The following SREBF1 variants were observed in gnomAD, a reference collection of about 807,000 sequenced individuals.
SREBF1 encodes the protein sterol regulatory element-binding protein 1.
A neutral mutation model predicts 100.1 loss-of-function variants in SREBF1; 45 were observed. That is an observed-to-expected ratio of 0.45 (90% CI 0.35 to 0.58). The LOEUF (loss-of-function observed/expected upper bound fraction) is 0.58. SREBF1 is among the 20% of genes least tolerant of loss of function. SREBF1 has a pLI of 0.00. For missense variants in SREBF1, 1,324 were observed against 1,539.4 expected, an observed-to-expected ratio of 0.86 and a Z score of 2.34; for synonymous variants, 657 against 681.8, an observed-to-expected ratio of 0.96 and a Z score of 0.57.
At chr17:17,830,406 A>G (rs1055520966) in intron 1 of SREBF1, among the ~76,000 whole-genome samples, 5 of 152,252 alleles carry the variant, frequency 3.3e-5, no homozygotes, top group Admixed American at 1.3e-4. Context: ...GCCTTCACTC[A>G]TCGGATCCCC....
chr17:17,812,992 C>T, intron 18 of SREBF1, 141 bp from the exon 19 acceptor site: 2 of 726,506 alleles, frequency 2.8e-6, no homozygotes, highest in Admixed American at 6.1e-5. Flanking sequence ...GTTCCCCTCT[C>T]CCCACCCTAG....
At chr17:17,813,314 C>T (rs777111276) in intron 18 of SREBF1, 54 bp downstream of exon 18, 12 of 1,506,132 alleles carry the variant, frequency 8.0e-6, no homozygotes, top group South Asian at 2.4e-5. Flanking sequence ...ATCCCATGTG[C>T]GCCCTTCCCT....
chr17:17,819,865 C>T, intron 2 of SREBF1, 140 bp from the exon 3 acceptor site: 1 of 1,285,026 alleles, frequency 7.8e-7, no homozygotes, highest in Non-Finnish European at 1.0e-6. Flanking sequence ...TGCCTGGGCT[C>T]TGATGCAAAT....
chr17:17,831,489 CGACA>C (rs1267418089), intron 1 of SREBF1, among the ~76,000 whole-genome samples: 6 of 152,164 alleles, frequency 3.9e-5, no homozygotes, highest in African/African-American at 1.2e-4. Flanking sequence ...ATCTGGGGTC[CGACA>C]GACAAAGAGC....
chr17:17,815,563 A>C (rs2033470181), intron 12 of SREBF1: 2 of 594,964 alleles, frequency 3.4e-6, no homozygotes, highest in East Asian at 5.6e-5. Context: ...CTTCCAAAGG[A>C]AAACCGACTT....
At chr17:17,815,477 G>T in intron 12 of SREBF1, 148 bp from the exon 13 acceptor site, 1 of 654,170 alleles carries the variant, frequency 1.5e-6, no homozygotes. Flanking sequence ...GCCAAGGACA[G>T]GGGAAAGCGG....
At position 17,819,094 on chromosome 17, in the gene SREBF1, G is replaced by T. The variant is rs368049193; in HGVS notation, c.987C>A (p.Asn329Lys). The T allele has an allele frequency of 6.2e-7, 1 of 1,614,002 alleles. No homozygotes were observed. The highest frequency in any genetic ancestry group is 1.3e-5 in the African/African-American group (1 of 74,940). The change falls in exon 5 of 19, where the codon AAC becomes AAA. Residue 329 changes from asparagine (N) to lysine (K), a missense_variant. Coordinates refer to ENST00000261646, the MANE Select transcript of SREBF1 (RefSeq NM_004176.5). ...AGGAGCGGTAGCGCTTCTCAATGGCGTTGTGGGCTGTGCGCTTCTCTCCAC... is the reference window on the plus strand; with the variant it reads ...AGGAGCGGTAGCGCTTCTCAATGGCTTTGTGGGCTGTGCGCTTCTCTCCAC... Reference protein sequence around the residue: ...QSRGEKRTAHNAIEKRYRSSI... With the variant: ...QSRGEKRTAHKAIEKRYRSSI...
chr17:17,823,592 C>T (rs1358675915), intron 1 of SREBF1: 2 of 1,612,718 alleles, frequency 1.2e-6, no homozygotes, highest in African/African-American at 1.3e-5. Flanking sequence ...CCTACCCCTC[C>T]CCGCGCCGAC....
intron 1 of SREBF1, chr17:17,821,002 C>T (rs1293463180): frequency 5.3e-6 from 1 of 189,626 alleles, no homozygotes; most frequent in Non-Finnish European, 1.1e-5. Context: ...CTGCTCCCGG[C>T]TGTGAATAAG....
chr17:17,815,768 G>A, intron 12 of SREBF1, 92 bp downstream of exon 12: 1 of 1,355,602 alleles, frequency 7.4e-7, no homozygotes, highest in East Asian at 2.5e-5. Flanking sequence ...GACTGGGGTG[G>A]CCAGAGACAG....
At chr17:17,818,980 C>G in intron 5 of SREBF1, 33 bp downstream of exon 5, 6 of 1,606,776 alleles carry the variant, frequency 3.7e-6, no homozygotes, top group Non-Finnish European at 5.1e-6. Context: ...CCTAGGGACA[C>G]CCCGGTCTGT....
rs773687594 is a variant in SREBF1 at position 17,814,664 on chromosome 17, G to A, written c.2686C>T (p.Arg896Trp). The change falls in exon 15 of 19, where the codon CGG becomes TGG. Residue 896 changes from arginine to tryptophan, a missense_variant. Arg to Trp is a moderately radical substitution (Grantham distance 101). Coordinates refer to ENST00000261646, the MANE Select transcript of SREBF1 (RefSeq NM_004176.5). ...WLRRDEEAAE[R>W]LCPLVEHLPR... ...AGGTGCTCCACCAGCGGGCACAGCC[G>A]CTCAGCCGCCTCCTCATCCCGCCGC... 1.3e-5 allele frequency: 20 copies of A among 1,567,098 alleles called. No homozygotes were observed. Among genetic ancestry groups the A allele is most frequent in the African/African-American group, 9.5e-5 (7 of 73,852 alleles).
chr17:17,827,010 C>A (rs746619875), intron 1 of SREBF1, among the ~76,000 whole-genome samples: 18 of 152,208 alleles, frequency 1.2e-4, no homozygotes, highest in Non-Finnish European at 2.2e-4. Flanking sequence ...GCACTGGGGC[C>A]ATTATAGATG....
At chr17:17,827,793 T>TG (rs1177967263) in intron 1 of SREBF1, among the ~76,000 whole-genome samples, 1 of 152,160 alleles carries the variant, frequency 6.6e-6, no homozygotes, top group Non-Finnish European at 1.5e-5. Flanking sequence ...CCCCAGCCTG[T>TG]GGGGGACAGC....
intron 4 of SREBF1, 21 bp from the exon 5 acceptor site, chr17:17,819,255 T>C: frequency 6.2e-7 from 1 of 1,613,862 alleles, no homozygotes; most frequent in Non-Finnish European, 8.5e-7. Flanking sequence ...AGGCACATGT[T>C]ACCAGGTGGG....
rs537507909 is a variant in SREBF1 at position 17,816,053 on chromosome 17, CA to C, written c.2215-26del. On this transcript the variant is annotated intron_variant, in intron 11 of 18. Transcript: ENST00000261646. Reference sequence around the variant, plus strand: ...GCTGTAGGGGAGGGTACTGGGCTGTCACAGTGGACACAGCCTGGGGCCAGAC... The same window carrying C: ...GCTGTAGGGGAGGGTACTGGGCTGTCCAGTGGACACAGCCTGGGGCCAGAC... 341 of 1,607,508 alleles carry C rather than the reference CA, an allele frequency of 2.1e-4. 2 individuals are homozygous for C. In the East Asian group the frequency reaches 7.4e-3, roughly 35 times the overall value.
chr17:17,821,346 G>A (rs897675124), intron 1 of SREBF1, among the ~76,000 whole-genome samples: 1 of 152,128 alleles, frequency 6.6e-6, no homozygotes, highest in South Asian at 2.1e-4. Flanking sequence ...CTTGGGGCCT[G>A]TTTCTCAATG....
chr17:17,814,716 A>G lies in SREBF1; in HGVS notation c.2634T>C (p.Ser878=). The change falls in exon 15 of 19, where the codon TCT becomes TCC. Residue 878 remains serine, a synonymous_variant. Transcript: ENST00000261646. ...GCCAGTGGATCACCACAGCTGTCAGAGAGGCCCACCACTTGGCCACCGGGT... is the reference window on the plus strand; with the variant it reads ...GCCAGTGGATCACCACAGCTGTCAGGGAGGCCCACCACTTGGCCACCGGGT... ...GVDPVAKWWA[S]LTAVVIHWLR... 6.2e-7 allele frequency: 1 copy of G among 1,608,684 alleles called. No individual in the cohort carries two copies. Among genetic ancestry groups the G allele is most frequent in the Non-Finnish European group, 8.5e-7 (1 of 1,178,806 alleles).
rs191206780 is a variant in SREBF1, at chr17:17,818,978, C to T, written c.1068+35G>A. The T allele has an allele frequency of 1.1e-4, 183 of 1,605,248 alleles. No individual in the cohort carries two copies. In the Admixed American group the frequency reaches 2.9e-3, roughly 26 times the overall value. On this transcript the variant is annotated intron_variant, in intron 5 of 18. Transcript: ENST00000261646. ...CCCCTGATCTGTTCCTTCCTAGGGACACCCCGGTCTGTGCCCCTGCAGGCC... is the reference window on the plus strand; with the variant it reads ...CCCCTGATCTGTTCCTTCCTAGGGATACCCCGGTCTGTGCCCCTGCAGGCC...
Sources: allele counts gnomAD v4.1 joint callset (sites outside exome capture counted in the v4.1 genomes callset), GRCh38; gene constraint gnomAD v4.1.1; transcripts MANE v1.5; gene names NCBI Gene and HGNC (gene_info 2026-07-23, HGNC 2026-07-21).